Variants in TACC3 observed in about 807,000 individuals in gnomAD.
TACC3 encodes the protein transforming acidic coiled-coil-containing protein 3.
Under a neutral mutation model 86.0 loss-of-function variants are expected in TACC3, and 52 were observed. The ratio of observed to expected loss-of-function variants is 0.60; its 90% CI spans 0.48 to 0.76. TACC3 has a LOEUF of 0.76. Ranked by LOEUF, TACC3 falls within the 30% of genes least tolerant of loss-of-function variation. The pLI, the probability that TACC3 is intolerant of heterozygous loss-of-function variation, is 0.00. For synonymous variants in TACC3, 512 were observed against 430.0 expected (o/e 1.19, Z -2.36); for missense variants, 1,120 against 1,070.4 (o/e 1.05, Z -0.65).
intron 4 of TACC3, chr4:1,730,525 G>A (rs919776589): frequency 9.3e-5 from 39 of 418,566 alleles, no homozygotes; most frequent in African/African-American, 7.7e-4. Context: ...TTGGCCCCTG[G>A]GTGGCTTGCT....
rs1325191953 is a variant in TACC3, at chr4:1,728,342, A to G, written c.940A>G (p.Met314Val). 6.2e-7 allele frequency: 1 copy of G among 1,613,106 alleles called. No homozygotes were observed. The highest frequency in any genetic ancestry group is 1.1e-5 in the South Asian group (1 of 91,092). Reference sequence around the variant, plus strand: ...CAACCACCTGGTGGCTGGCAGGGCCATGACCCTGAGTCCTCAGGAAGAAGT... The same window carrying G: ...CAACCACCTGGTGGCTGGCAGGGCCGTGACCCTGAGTCCTCAGGAAGAAGT... ...PTNHLVAGRA[M>V]TLSPQEEVAA... Residue 314 changes from methionine (M) to valine (V), a missense_variant, in exon 4 of 16, where the codon ATG becomes GTG. Physicochemically the swap from Met to Val is conservative, Grantham distance 21 (BLOSUM62 1). Transcript: ENST00000313288.
rs1172460320 is a variant in TACC3 at position 1,740,164 on chromosome 4, G to A, written c.2062+162G>A. 7.4e-6 allele frequency: 5 copies of A among 679,146 alleles called. No individual in the cohort carries two copies. In the South Asian group the frequency reaches 7.5e-5, roughly 10 times the overall value. 42.1% of individuals were successfully genotyped at this position (679,146 alleles called of 1,614,324 possible). ...GGCCCGGCCGTGGAAGCACTGAGGC[G>A]AGTTGCGGGGAAGCTGGTGGTAGTG... On this transcript the variant is annotated intron_variant, in intron 12 of 15. Transcript: ENST00000313288.
At position 1,727,688 on chromosome 4, in the gene TACC3, G is replaced by C; in HGVS notation, c.306-20G>C. ...CACCAGGTACTCGCTGCTTCACGTT[G>C]ATTAAGTCTCTTTTAAAAGCCAACA... On this transcript the variant is annotated intron_variant, in intron 3 of 15. Transcript: ENST00000313288. 1 of 1,555,844 alleles carries C rather than the reference G, an allele frequency of 6.4e-7. No individual in the cohort carries two copies. Among genetic ancestry groups the C allele is most frequent in the East Asian group, 2.3e-5 (1 of 44,396 alleles).
At chr4:1,722,202 C>T (rs1717427756) in intron 1 of TACC3, among the ~76,000 whole-genome samples, 1 of 152,164 alleles carries the variant, frequency 6.6e-6, no homozygotes, top group African/African-American at 2.4e-5. Context: ...CCCTCCCGGG[C>T]CTCCATAGTC....
Position 1,740,957 on chromosome 4 carries a change from CAG to C in TACC3, c.2196_2197del (p.Lys733ArgfsTer86), listed in dbSNP as rs751433126. On this transcript the variant is annotated frameshift_variant, in exon 13 of 16. Transcript: ENST00000313288. LOFTEE classifies it high-confidence loss of function. ...CGACCTCTTCAAGCGTTTTGAGAAA[CAG>C]AAAGAGGTGATCGAGGGCTACCGCA... ...FSDLFKRFEK[Q>X]KEVIEGYRKN... 1.9e-5 allele frequency: 31 copies of C among 1,610,360 alleles called. No individual in the cohort carries two copies. The highest frequency in any genetic ancestry group is 2.5e-5 in the Non-Finnish European group (29 of 1,179,180).
In TACC3 at chr4:1,744,535, G is replaced by C. The variant is rs952336236; in HGVS notation, c.2241G>C (p.Lys747Asn). The C allele has an allele frequency of 6.2e-7, 1 of 1,612,952 alleles. No individual in the cohort carries two copies. Among genetic ancestry groups the C allele is most frequent in the Non-Finnish European group, 8.5e-7 (1 of 1,179,910 alleles). ...CTTCCTAGAACGAAGAGTCACTGAAGAAGTGCGTGGAGGATTACCTGGCAA... is the reference window on the plus strand; with the variant it reads ...CTTCCTAGAACGAAGAGTCACTGAACAAGTGCGTGGAGGATTACCTGGCAA... Reference protein sequence around the residue: ...EGYRKNEESLKKCVEDYLARI... With the variant: ...EGYRKNEESLNKCVEDYLARI... Residue 747 changes from lysine to asparagine, a missense_variant, in exon 14 of 16, where the codon AAG (lysine) becomes AAC (asparagine). Lys to Asn is a moderately conservative substitution (Grantham distance 94). Coordinates refer to ENST00000313288, the MANE Select transcript of TACC3 (RefSeq NM_006342.3).
chr4:1,733,260 A>T (rs772230969), intron 6 of TACC3, among the ~76,000 whole-genome samples: 1 of 152,124 alleles, frequency 6.6e-6, no homozygotes, highest in African/African-American at 2.4e-5. Flanking sequence ...TGAGCCACTT[A>T]TGTTTTTATT....
At chr4:1,739,531 G>A (rs1718460469) in intron 10 of TACC3, 171 bp from the exon 11 acceptor site, 1 of 619,724 alleles carries the variant, frequency 1.6e-6, no homozygotes, top group Non-Finnish European at 2.8e-6. Flanking sequence ...TGGAGCAGGT[G>A]GCCTTGGCCT....
chr4:1,742,755 TG>T (rs1718653457), intron 13 of TACC3, among the ~76,000 whole-genome samples: 1 of 149,908 alleles, frequency 6.7e-6, no homozygotes, highest in Admixed American at 6.7e-5. Flanking sequence ...GCCAAGATCG[TG>T]CCACTGCACT....
chr4:1,724,320 A>T (rs1717577915), intron 3 of TACC3, among the ~76,000 whole-genome samples: 1 of 147,654 alleles, frequency 6.8e-6, no homozygotes, highest in Non-Finnish European at 1.5e-5. Flanking sequence ...TATGCAGCAT[A>T]TGGCCAGTTC....
chr4:1,723,471 C>T lies in TACC3; in HGVS notation c.50C>T (p.Thr17Ile). 3 of 1,613,614 alleles carry T rather than the reference C, an allele frequency of 1.9e-6. No individual in the cohort carries two copies. The highest frequency in any genetic ancestry group is 2.2e-5 in the East Asian group (1 of 44,884). ...NDKNVSNEKN[T>I]ENCDFLFSPP... The stretch of plus-strand genomic sequence containing the variant: ...AAAAATGTCAGCAATGAAAAAAATA[C>T]AGAAAATTGCGACTTCCTGTTTTCG... Residue 17 changes from threonine to isoleucine, a missense_variant, in exon 2 of 16, where the codon ACA (threonine) becomes ATA (isoleucine). Coordinates refer to ENST00000313288, the MANE Select transcript of TACC3 (RefSeq NM_006342.3).
At chr4:1,744,345 G>T (rs1054185703) in intron 13 of TACC3, 173 bp from the exon 14 acceptor site, 3 of 622,138 alleles carry the variant, frequency 4.8e-6, no homozygotes, top group Non-Finnish European at 8.5e-6. Flanking sequence ...ACCTCCAGAG[G>T]GGGTGAGCTG....
intron 3 of TACC3, among the ~76,000 whole-genome samples, chr4:1,724,192 A>G (rs1247714790): frequency 6.7e-6 from 1 of 149,252 alleles, no homozygotes; most frequent in African/African-American, 2.5e-5. Context: ...GATGGTCTTG[A>G]TCTCCTCCTG....
upstream of TACC3, chr4:1,720,864 C>T (rs1268789315): frequency 4.5e-6 from 7 of 1,551,770 alleles, no homozygotes; most frequent in Middle Eastern, 3.4e-4. The surrounding 1 kb of genome is among the most constrained non-coding windows in gnomAD (Gnocchi z 4.4). Context: ...AGCTGTCGAG[C>T]TAGGCCCCCG....
intron 14 of TACC3, 39 bp from the exon 15 acceptor site, chr4:1,744,673 G>A (rs757067893): frequency 6.2e-7 from 1 of 1,612,174 alleles, no homozygotes. Context: ...TGAGCACCTG[G>A]GCCCCAGCTC....
intron 10 of TACC3, chr4:1,739,420 G>A (rs1718452368): frequency 3.9e-6 from 2 of 514,540 alleles, no homozygotes; most frequent in African/African-American, 1.9e-5. Flanking sequence ...TGGGCTGCGG[G>A]GGCAGCTGCA....
At chr4:1,730,556 C>G in intron 4 of TACC3, 1 of 467,602 alleles carries the variant, frequency 2.1e-6, no homozygotes, top group Non-Finnish European at 4.3e-6. Context: ...GCCCCAGCCT[C>G]CACATTTGAA....
rs746375264 is a variant in TACC3, at chr4:1,739,947, C to A, written c.2019-12C>A. 26 of 1,612,844 alleles carry A rather than the reference C, an allele frequency of 1.6e-5. No individual in the cohort carries two copies. The South Asian group carries it at 2.9e-4, about 18-fold the overall frequency. The stretch of plus-strand genomic sequence containing the variant: ...CCGAGGCAATGGCTGTGTGTCTGTT[C>A]TCCTCCCACAGGAAGATCATGGACA... On this transcript the variant is annotated splice_polypyrimidine_tract_variant and intron_variant, in intron 11 of 15. Transcript: ENST00000313288.
intron 6 of TACC3, among the ~76,000 whole-genome samples, chr4:1,734,076 T>C (rs1361458198): frequency 6.6e-6 from 1 of 152,076 alleles, no homozygotes; most frequent in African/African-American, 2.4e-5. Flanking sequence ...TTTAGCTTAA[T>C]TGAGAAAAGG....
Sources: allele counts gnomAD v4.1 joint callset (sites outside exome capture counted in the v4.1 genomes callset), GRCh38; gene constraint gnomAD v4.1.1; non-coding constraint Gnocchi (gnomAD v3.1); transcripts MANE v1.5; gene names NCBI Gene and HGNC (gene_info 2026-07-23, HGNC 2026-07-21).